Variants in HCRTR2 observed in about 807,000 individuals in gnomAD.
HCRTR2 encodes orexin receptor type 2.
Under a neutral mutation model 49.0 loss-of-function variants are expected in HCRTR2, and 22 were observed. That is an observed-to-expected ratio of 0.45 (90% confidence interval 0.32 to 0.64). The LOEUF (loss-of-function observed/expected upper bound fraction) is 0.64. HCRTR2 is among the 30% of genes least tolerant of loss of function. The pLI, the probability that HCRTR2 is intolerant of heterozygous loss-of-function variation, is 0.04. For synonymous variants in HCRTR2, 236 were observed against 205.3 expected, an observed-to-expected ratio of 1.15 and a Z score of -1.28; for missense variants, 491 against 559.4, an observed-to-expected ratio of 0.88 and a Z score of 1.23.
chr6:55,222,304 TA>T lies in HCRTR2; in HGVS notation c.224-26322del, dbSNP rs199660411. On this transcript the variant is annotated intron_variant, in intron 1 of 6. Transcript: ENST00000370862. ...CATTATGAAACAAAAGAAAGAGAAT[TA>T]AAAAAAAAAAAAGTGTTGAAAGGGA... 9.9e-3 allele frequency among the ~76,000 whole-genome samples: 1,401 copies of T among 140,930 alleles called. 21 individuals carry two copies. Among genetic ancestry groups the T allele is most frequent in the African/African-American group, 0.032 (1,245 of 39,040 alleles). 92.5% of individuals were successfully genotyped at this position (140,930 alleles called of 152,430 possible). A position where few individuals can be genotyped will look rare whatever the true frequency, so the allele number is the denominator to read the frequency against.
chr6:55,243,186 C>T (rs1412917405), intron 1 of HCRTR2, among the ~76,000 whole-genome samples: 1 of 152,120 alleles, frequency 6.6e-6, no homozygotes, highest in East Asian at 1.9e-4. Flanking sequence ...TCAATAAAGT[C>T]CATGTTAGAG....
rs576389481 is a variant in HCRTR2, at chr6:55,124,717, G to A, written c.-378+18172G>A. Among the ~76,000 whole-genome samples the A allele has an allele frequency of 2.6e-5, 4 of 152,224 alleles. No individual in the cohort carries two copies. The South Asian group carries it at 6.2e-4, about 24-fold the overall frequency. On this transcript the variant is annotated intron_variant, in intron 1 of 7. Coordinates refer to the HCRTR2 transcript ENST00000615358. ...TTAATATTGACAGTGGGGTGTTAAA[G>A]TCTCCCACTATTATTGTGTGGTAGT...
At chr6:55,127,822 A>G (rs1192119465) in intron 1 of HCRTR2, among the ~76,000 whole-genome samples, 1 of 151,980 alleles carries the variant, frequency 6.6e-6, no homozygotes, top group Non-Finnish European at 1.5e-5. Context: ...ACTTGCCTAC[A>G]TTTATCACTA....
At chr6:55,273,255 T>C (rs999742363) in intron 4 of HCRTR2, among the ~76,000 whole-genome samples, 2 of 152,028 alleles carry the variant, frequency 1.3e-5, no homozygotes, top group South Asian at 2.1e-4. Context: ...AAGGGGATTA[T>C]TGTTTCATAG....
chr6:55,175,506 C>T (rs1765023993), intron 1 of HCRTR2, among the ~76,000 whole-genome samples: 2 of 151,944 alleles, frequency 1.3e-5, no homozygotes, highest in Admixed American at 1.3e-4. Flanking sequence ...ATCCATTCAG[C>T]CAAATATTTT....
chr6:55,107,943 GT>G (rs991641377), intron 1 of HCRTR2, among the ~76,000 whole-genome samples: 4 of 151,946 alleles, frequency 2.6e-5, no homozygotes, highest in Non-Finnish European at 5.9e-5. Context: ...ATGATTTGCT[GT>G]GCTTAAAATT....
chr6:55,140,842 T>C (rs7743951), intron 1 of HCRTR2, among the ~76,000 whole-genome samples: 152,250 of 152,288 alleles, frequency 1, 76,106 homozygotes, highest in Non-Finnish European at 1. Context: ...AATGTATACC[T>C]ACAAGTAATT....
chr6:55,218,302 CA>C (rs1162686837), intron 1 of HCRTR2, among the ~76,000 whole-genome samples: 2 of 151,760 alleles, frequency 1.3e-5, no homozygotes, highest in African/African-American at 2.4e-5. Flanking sequence ...GATGTCACTA[CA>C]AAAAAATTAA....
At chr6:55,157,355 C>T (rs1561989991) in intron 1 of HCRTR2, among the ~76,000 whole-genome samples, 1 of 152,174 alleles carries the variant, frequency 6.6e-6, no homozygotes, top group Non-Finnish European at 1.5e-5. Context: ...TAAAAAATGT[C>T]ATTAAAAATA....
chr6:55,120,040 T>C (rs1046191758), intron 1 of HCRTR2, among the ~76,000 whole-genome samples: 18 of 152,154 alleles, frequency 1.2e-4, no homozygotes, highest in African/African-American at 4.3e-4. Context: ...ATTCTCCCCA[T>C]TGCTTGTTTG....
At chr6:55,142,001 A>C (rs928548768) in intron 1 of HCRTR2, among the ~76,000 whole-genome samples, 7 of 152,188 alleles carry the variant, frequency 4.6e-5, no homozygotes, top group African/African-American at 1.7e-4. Context: ...ATTATAATCA[A>C]AGAAAGTACA....
chr6:55,170,375 C>T (rs372209848), upstream of HCRTR2, among the ~76,000 whole-genome samples: 27 of 150,124 alleles, frequency 1.8e-4, no homozygotes, highest in East Asian at 1.8e-3. Flanking sequence ...TTTTGTTACA[C>T]GCATAGAATG....
upstream of HCRTR2, among the ~76,000 whole-genome samples, chr6:55,171,234 C>T (rs1176393667): frequency 6.6e-6 from 1 of 152,198 alleles, no homozygotes; most frequent in Admixed American, 6.5e-5. Flanking sequence ...CACATCCTCT[C>T]CAGCACCTGT....
intron 1 of HCRTR2, among the ~76,000 whole-genome samples, chr6:55,126,667 T>C (rs183779368): frequency 2.0e-5 from 3 of 152,184 alleles, no homozygotes; most frequent in African/African-American, 7.2e-5. Flanking sequence ...GGCAGGGATA[T>C]TTAAGTCTGC....
At chr6:55,159,250 G>C (rs1375938821) in intron 1 of HCRTR2, among the ~76,000 whole-genome samples, 1 of 147,020 alleles carries the variant, frequency 6.8e-6, no homozygotes, top group East Asian at 2.1e-4. Context: ...AAACAGAAAG[G>C]AATAGCATCA....
At chr6:55,207,824 T>C (rs189747991) in intron 1 of HCRTR2, among the ~76,000 whole-genome samples, 119 of 152,288 alleles carry the variant, frequency 7.8e-4, no homozygotes, top group African/African-American at 2.8e-3. Flanking sequence ...TCTAAGAGTA[T>C]ATTAATATCA....
intron 1 of HCRTR2, among the ~76,000 whole-genome samples, chr6:55,193,902 T>C (rs142673091): frequency 1.0e-3 from 158 of 152,296 alleles, no homozygotes; most frequent in Middle Eastern, 3.4e-3. Context: ...GGTTCTGAGC[T>C]TATTATCATG....
intron 3 of HCRTR2, among the ~76,000 whole-genome samples, chr6:55,262,338 T>G (rs1766774718): frequency 7.0e-6 from 1 of 142,048 alleles, no homozygotes; most frequent in Non-Finnish European, 1.5e-5. Context: ...ATATGTTATA[T>G]ATAATATTAT....
intron 1 of HCRTR2, among the ~76,000 whole-genome samples, chr6:55,177,703 T>C (rs1288083602): frequency 6.6e-6 from 1 of 152,126 alleles, no homozygotes; most frequent in African/African-American, 2.4e-5. Flanking sequence ...TTTCATGAAG[T>C]GATGTAATAG....
Sources: allele counts gnomAD v4.1 joint callset (sites outside exome capture counted in the v4.1 genomes callset), GRCh38; gene constraint gnomAD v4.1.1; transcripts MANE v1.5; gene names NCBI Gene and HGNC (gene_info 2026-07-23, HGNC 2026-07-21).